The following XDH variants were observed in gnomAD, a reference collection of about 807,000 sequenced individuals.
XDH encodes the protein xanthine dehydrogenase.
XDH carries 138 observed loss-of-function variants against 156.1 expected under a neutral mutation model. The ratio of observed to expected loss-of-function variants is 0.88; its 90% CI spans 0.77 to 1.02. The LOEUF is 1.02. Among genes scored for constraint, XDH ranks in the 50% least tolerant of loss-of-function variants. XDH has a pLI of 0.00. For synonymous variants in XDH, 669 were observed against 625.7 expected (o/e 1.07, Z -1.03); for missense variants, 1,849 against 1,684.9 (o/e 1.10, Z -1.71).
At chr2:31,346,495 C>T (rs1004201170) in intron 30 of XDH, among the ~76,000 whole-genome samples, 3 of 152,104 alleles carry the variant, frequency 2.0e-5, no homozygotes, top group African/African-American at 7.2e-5. Context: ...CTCTCAGGCT[C>T]AGGCAAAGAA....
In XDH at chr2:31,386,427, C is replaced by T; in HGVS notation, c.780G>A (p.Gly260=). Residue 260 remains glycine, a synonymous_variant, in exon 9 of 36, where the codon GGG becomes GGA. Transcript: ENST00000379416. Reference sequence around the variant, plus strand: ...CCTGGCCCTTACCAATCTCCGTGTTCCCCACGACCAGCTTGGCGTCAGGGT... The same window carrying T: ...CCTGGCCCTTACCAATCTCCGTGTTTCCCACGACCAGCTTGGCGTCAGGGT... ...AQHPDAKLVV[G]NTEIGIEMKF... 1.2e-6 allele frequency: 2 copies of T among 1,613,442 alleles called. No homozygotes were observed. The highest frequency in any genetic ancestry group is 8.5e-7 in the Non-Finnish European group (1 of 1,180,032).
chr2:31,339,943 T>G lies in XDH; in HGVS notation c.3586-266A>C, dbSNP rs1008130389. Among the ~76,000 whole-genome samples, 5 of 152,228 alleles carry G rather than the reference T, an allele frequency of 3.3e-5. No individual in the cohort carries two copies. In the East Asian group the frequency reaches 9.6e-4, roughly 29 times the overall value. ...TGTTTCCCACTACAACCTGCCGCAGTGCAGATGGAGATGTTCCTTCCATGT... is the reference window on the plus strand; with the variant it reads ...TGTTTCCCACTACAACCTGCCGCAGGGCAGATGGAGATGTTCCTTCCATGT... On this transcript the variant is annotated intron_variant, in intron 33 of 35. Transcript: ENST00000379416.
At chr2:31,344,776 T>C in intron 30 of XDH, 40 bp from the exon 31 acceptor site, 1 of 1,610,320 alleles carries the variant, frequency 6.2e-7, no homozygotes, top group Non-Finnish European at 8.5e-7. Flanking sequence ...TGAAGTGAGG[T>C]TTTCAGGAAC....
At position 31,368,571 on chromosome 2, in the gene XDH, A is replaced by T. The variant is rs1685984776; in HGVS notation, c.2070T>A (p.Tyr690Ter). The change falls in exon 19 of 36, where the codon TAT becomes TAA. Residue 690 changes from tyrosine to a stop codon, truncating the protein, a stop_gained. Coordinates refer to ENST00000379416, the MANE Select transcript of XDH (RefSeq NM_000379.4). LOFTEE classifies it high-confidence loss of function. ...TTGTGATAATGGCTGGTAGTTCTTC[A>T]TAGGTGATTTTCACCCCTTGGGCAG... Reference protein sequence around the residue: ...QRAAQGVKITYEELPAIITIE... With the variant: ...QRAAQGVKIT 6.2e-7 allele frequency: 1 copy of T among 1,614,074 alleles called. No homozygotes were observed. Among genetic ancestry groups the T allele is most frequent in the Admixed American group, 1.7e-5 (1 of 60,010 alleles).
chr2:31,391,608 T>G (rs940770990), intron 6 of XDH, among the ~76,000 whole-genome samples: 2 of 152,226 alleles, frequency 1.3e-5, no homozygotes, highest in African/African-American at 4.8e-5. Context: ...CTTGACATAT[T>G]CAGTCTCCTT....
At chr2:31,414,171 C>T (rs959713543) in intron 1 of XDH, among the ~76,000 whole-genome samples, 11 of 152,188 alleles carry the variant, frequency 7.2e-5, no homozygotes, top group East Asian at 1.9e-4. Context: ...TCAAAGGCTG[C>T]GTACATCTTA....
At chr2:31,367,837 G>C in intron 20 of XDH, 124 bp downstream of exon 20, 2 of 951,338 alleles carry the variant, frequency 2.1e-6, no homozygotes, top group Non-Finnish European at 1.7e-6. Context: ...AAACGTAAGA[G>C]GGAATCTTCT....
At position 31,387,814 on chromosome 2, in the gene XDH, C is replaced by A. The variant is rs751740411; in HGVS notation, c.648G>T (p.Leu216Phe). 3.2e-6 allele frequency: 5 copies of A among 1,579,610 alleles called. No individual in the cohort carries two copies. The highest frequency in any genetic ancestry group is 4.3e-6 in the Non-Finnish European group (5 of 1,162,758). The change falls in exon 8 of 36, where the codon TTG becomes TTT. Residue 216 changes from leucine to phenylalanine, a missense_variant. Transcript: ENST00000379416. ...PTQEPIFPPE[L>F]LRLKDTPRKQ... ...CTGTCCCTGAGGCATCACCTACCAG[C>A]AACTCTGGGGGAAAAATGGGCTCCT...
chr2:31,374,047 C>G, intron 15 of XDH, 91 bp from the exon 16 acceptor site: 1 of 1,293,618 alleles, frequency 7.7e-7, no homozygotes, highest in Non-Finnish European at 1.1e-6. Flanking sequence ...AAACTGATAA[C>G]TGATCCCCTT....
intron 24 of XDH, among the ~76,000 whole-genome samples, chr2:31,357,381 C>T (rs1685652776): frequency 6.6e-6 from 1 of 152,182 alleles, no homozygotes; most frequent in Non-Finnish European, 1.5e-5. Context: ...CCACAAATTA[C>T]CAAATCAGGA....
intron 24 of XDH, among the ~76,000 whole-genome samples, chr2:31,357,714 T>C (rs184787751): frequency 6.6e-6 from 1 of 152,074 alleles, no homozygotes; most frequent in East Asian, 1.9e-4. Context: ...AGAATTGAAA[T>C]GTTCCCTAAC....
At chr2:31,372,140 T>C (rs1489354155) in intron 17 of XDH, 88 bp downstream of exon 17, 14 of 1,602,268 alleles carry the variant, frequency 8.7e-6, no homozygotes, top group Non-Finnish European at 1.1e-5. Context: ...TGCATCTCCA[T>C]GGCCTAGCAG....
At position 31,335,878 on chromosome 2, in the gene XDH, A is replaced by G. The variant is rs1218184799; in HGVS notation, c.*80T>C. ...GTCTGTCATTCTGTGACTTTAATAG[A>G]TCCATGTTCTGTGGTATGTTCCTCC... On this transcript the variant is annotated 3_prime_UTR_variant, in exon 36 of 36. Coordinates refer to ENST00000379416, the MANE Select transcript of XDH (RefSeq NM_000379.4). 2 of 1,487,572 alleles carry G rather than the reference A, an allele frequency of 1.3e-6. No individual in the cohort carries two copies. Among genetic ancestry groups the G allele is most frequent in the South Asian group, 1.1e-5 (1 of 88,388 alleles). The allele number at this position is 1,487,572 out of a possible 1,614,324, so 92.1% of individuals were successfully genotyped here.
At chr2:31,371,471 G>T (rs1228216398) in intron 17 of XDH, among the ~76,000 whole-genome samples, 1 of 152,192 alleles carries the variant, frequency 6.6e-6, no homozygotes, top group Non-Finnish European at 1.5e-5. Context: ...TTCCAAGTGT[G>T]TGCAGCCCAG....
rs536499193 is a variant in XDH at position 31,381,590 on chromosome 2, C to G, written c.1132+43G>C. The G allele has an allele frequency of 2.5e-6, 4 of 1,598,092 alleles. No homozygotes were observed. In the South Asian group the frequency reaches 3.3e-5, roughly 13 times the overall value. ...ATGACCTATCTGGTGAGACTTTTCT[C>G]CCCCAAGTCCTTCTTCCTGGACCTC... On this transcript the variant is annotated intron_variant, in intron 12 of 35. Transcript: ENST00000379416.
At chr2:31,365,386 C>T (rs1685881988) in intron 23 of XDH, 71 bp downstream of exon 23, 16 of 1,546,974 alleles carry the variant, frequency 1.0e-5, no homozygotes, top group Non-Finnish European at 1.4e-5. Flanking sequence ...CTCAGGATGC[C>T]TGGACATTCG....
chr2:31,366,213 A>G (rs1685912758), intron 21 of XDH, 104 bp from the exon 22 acceptor site: 1 of 1,583,170 alleles, frequency 6.3e-7, no homozygotes. Context: ...TACTGCTGCG[A>G]ATTCTGAAAT....
In XDH at chr2:31,347,646, G is replaced by C. The variant is rs753323762; in HGVS notation, c.3152C>G (p.Ala1051Gly). ...QGLHTKMVQV[A>G]SRALKIPTSK... ...GGTGGGGATTTTCAGAGCTCTACTGGCCACCTGCGAAAAGAGAAGACATTG... is the reference window on the plus strand; with the variant it reads ...GGTGGGGATTTTCAGAGCTCTACTGCCCACCTGCGAAAAGAGAAGACATTG... The change falls in exon 29 of 36, where the codon GCC becomes GGC. Residue 1051 changes from alanine to glycine, a missense_variant. Coordinates refer to ENST00000379416, the MANE Select transcript of XDH (RefSeq NM_000379.4). The C allele has an allele frequency of 6.2e-7, 1 of 1,613,602 alleles. No homozygotes were observed. The highest frequency in any genetic ancestry group is 8.5e-7 in the Non-Finnish European group (1 of 1,179,616).
At chr2:31,336,074 A>G in intron 35 of XDH, 66 bp from the exon 36 acceptor site, 1 of 1,535,528 alleles carries the variant, frequency 6.5e-7, no homozygotes, top group African/African-American at 1.4e-5. Flanking sequence ...ACTCTCTTGC[A>G]TACCTCACCT....
Sources: allele counts gnomAD v4.1 joint callset (sites outside exome capture counted in the v4.1 genomes callset), GRCh38; gene constraint gnomAD v4.1.1; transcripts MANE v1.5; gene names NCBI Gene and HGNC (gene_info 2026-07-23, HGNC 2026-07-21).